Variants in GTF2H5 observed in about 807,000 individuals in gnomAD.
The protein encoded by GTF2H5 is general transcription factor IIH subunit 5, also known as TFB5 ortholog.
In GTF2H5, 5 loss-of-function variants were observed where a neutral mutation model predicts 7.1. The observed-to-expected ratio is 0.71, with a 90% CI of 0.37 to 1.49. GTF2H5 has a LOEUF of 1.49. GTF2H5 is among the 40% of genes most tolerant of loss of function. GTF2H5 has a pLI of 0.03. For missense variants in GTF2H5, 80 were observed against 83.0 expected (o/e 0.96, Z 0.14); for synonymous variants, 30 against 31.7 (o/e 0.95, Z 0.18).
Position 158,170,557 on chromosome 6 carries a change from G to T in GTF2H5, c.35+19G>T, listed in dbSNP as rs769357219. The T allele has an allele frequency of 6.5e-7, 1 of 1,548,834 alleles. No individual in the cohort carries two copies. Among genetic ancestry groups the T allele is most frequent in the South Asian group, 1.1e-5 (1 of 89,742 alleles). ...TAGAATGGTTAGTAGTTTTGATACT[G>T]CATGAGTTTTAAGTTTAAATATTGA... On this transcript the variant is annotated intron_variant, in intron 2 of 2. Transcript: ENST00000607778.
In GTF2H5 at chr6:158,180,922, A is replaced by G. The variant is rs534814806; in HGVS notation, c.35+10384A>G. Among the ~76,000 whole-genome samples, 4 of 149,940 alleles carry G rather than the reference A, an allele frequency of 2.7e-5. No individual in the cohort carries two copies. In the East Asian group the frequency reaches 7.8e-4, roughly 29 times the overall value. ...TTTCTTGTCTTCTGCTAGGTTTTGAATTTGTTTGCTCTTGCTTCTCTAGTT... is the reference window on the plus strand; with the variant it reads ...TTTCTTGTCTTCTGCTAGGTTTTGAGTTTGTTTGCTCTTGCTTCTCTAGTT... On this transcript the variant is annotated intron_variant, in intron 2 of 2. Transcript: ENST00000607778.
chr6:158,169,742 A>ATATTATATAATATATTGTATATTATG (rs1403187605), intron 1 of GTF2H5, among the ~76,000 whole-genome samples: 3 of 62,002 alleles, frequency 4.8e-5, no homozygotes, highest in Admixed American at 7.1e-4. Context: ...TGTATATTAT[A>ATATTATATAATATATTGTATATTATG]TATTATATAA....
intron 2 of GTF2H5, among the ~76,000 whole-genome samples, chr6:158,180,423 C>T (rs570029878): frequency 6.4e-4 from 98 of 152,182 alleles, no homozygotes; most frequent in Non-Finnish European, 1.1e-3. Context: ...TTCTGTTGAT[C>T]GGAATAGTTT....
intron 2 of GTF2H5, among the ~76,000 whole-genome samples, chr6:158,190,317 T>C (rs1307998256): frequency 6.6e-6 from 1 of 152,232 alleles, no homozygotes; most frequent in Non-Finnish European, 1.5e-5. Context: ...CTTGTTCCTC[T>C]TTCTCAAAGC....
intron 2 of GTF2H5, among the ~76,000 whole-genome samples, chr6:158,179,676 T>C (rs2128430217): frequency 6.6e-6 from 1 of 152,340 alleles, no homozygotes; most frequent in African/African-American, 2.4e-5. Context: ...CTTGTGATTT[T>C]TGCACATTGA....
Position 158,192,236 on chromosome 6 carries a change from T to G in GTF2H5, c.*79T>G. 9.0e-7 allele frequency: 1 copy of G among 1,108,004 alleles called. No homozygotes were observed. The allele number at this position is 1,108,004 out of a possible 1,614,324, so 68.6% of individuals were successfully genotyped here. A position where few individuals can be genotyped will look rare whatever the true frequency, so the allele number is the denominator to read the frequency against. ...GCCACTCAATATCTTAGGTGACTGA[T>G]TAGACATAGAGGGTTGTTTTAGGAG... is the stretch of plus-strand genomic sequence containing the variant. On this transcript the variant is annotated 3_prime_UTR_variant, in exon 3 of 3. Coordinates refer to ENST00000607778, the MANE Select transcript of GTF2H5 (RefSeq NM_207118.3).
chr6:158,174,054 G>T (rs1034563993), intron 2 of GTF2H5, among the ~76,000 whole-genome samples: 1 of 152,042 alleles, frequency 6.6e-6, no homozygotes, highest in Admixed American at 6.6e-5. Context: ...AGTGGTGAAG[G>T]TTGCTTTTGT....
chr6:158,193,539 C>T lies in GTF2H5; in HGVS notation c.*1382C>T, dbSNP rs1032443082. The T allele has an allele frequency of 6.6e-6, 1 of 152,220 alleles. No homozygotes were observed. The highest frequency in any genetic ancestry group is 1.5e-5 in the Non-Finnish European group (1 of 68,048). The allele number at this position is 152,220 out of a possible 1,614,324, so 9.4% of individuals were successfully genotyped here. On this transcript the variant is annotated 3_prime_UTR_variant, in exon 3 of 3. Transcript: ENST00000607778. ...CCTGTGTACCATATTTATTCACTTA[C>T]ACAGCATTACTGAATCTGGAAATTT...
In GTF2H5 at chr6:158,198,166, C is replaced by T. The variant is rs893983406; in HGVS notation, c.*6009C>T. ...CCACTTTCACAATGCCGTGCAGAAACTAACAGATGAAGGAGGAGAATCCCT... is the reference window on the plus strand; with the variant it reads ...CCACTTTCACAATGCCGTGCAGAAATTAACAGATGAAGGAGGAGAATCCCT... On this transcript the variant is annotated 3_prime_UTR_variant, in exon 3 of 3. Coordinates refer to ENST00000607778, the MANE Select transcript of GTF2H5 (RefSeq NM_207118.3). The T allele has an allele frequency of 1.3e-5, 2 of 152,114 alleles. No homozygotes were observed. The highest frequency in any genetic ancestry group is 2.9e-5 in the Non-Finnish European group (2 of 68,022). 9.4% of individuals were successfully genotyped at this position (152,114 alleles called of 1,614,324 possible). A position where few individuals can be genotyped will look rare whatever the true frequency, so the allele number is the denominator to read the frequency against.
intron 1 of GTF2H5, among the ~76,000 whole-genome samples, chr6:158,169,787 ATATATTATATATTG>A (rs1194403447): frequency 9.4e-6 from 1 of 105,896 alleles, no homozygotes; most frequent in South Asian, 2.4e-4. Context: ...ATTGTATATT[ATATATTATATATTG>A]TATATTATAT....
rs1331716369 is a variant in GTF2H5, at chr6:158,197,817, C to A, written c.*5660C>A. 1 of 152,044 alleles carries A rather than the reference C, an allele frequency of 6.6e-6. No individual in the cohort carries two copies. The highest frequency in any genetic ancestry group is 2.4e-5 in the African/African-American group (1 of 41,394). The allele number at this position is 152,044 out of a possible 1,614,324, so 9.4% of individuals were successfully genotyped here. A position where few individuals can be genotyped will look rare whatever the true frequency, so the allele number is the denominator to read the frequency against. On this transcript the variant is annotated 3_prime_UTR_variant, in exon 3 of 3. Transcript: ENST00000607778. ...GTCCTGATTTGGCTCCTTCTGACTTCTTTTTGTTTCCCAATCTTAAAAAAA... is the reference window on the plus strand; with the variant it reads ...GTCCTGATTTGGCTCCTTCTGACTTATTTTTGTTTCCCAATCTTAAAAAAA...
At chr6:158,176,042 G>A (rs1445883182) in intron 2 of GTF2H5, among the ~76,000 whole-genome samples, 2 of 152,120 alleles carry the variant, frequency 1.3e-5, no homozygotes, top group Non-Finnish European at 2.9e-5. Context: ...GCCCTTTGAG[G>A]TAAGTGCTGT....
rs1554268971 is a variant in GTF2H5, at chr6:158,193,204, T to TAGAAGGATGGCTTAAGCCC, written c.*1049_*1050insAAGGATGGCTTAAGCCCAG. Reference sequence around the variant, plus strand: ...GTCCCAGCCACTGGGGAGGCTGAGGTAGGAGGTCAAGGCTGCAGTGAACCT... The same window carrying TAGAAGGATGGCTTAAGCCC: ...GTCCCAGCCACTGGGGAGGCTGAGGTAGAAGGATGGCTTAAGCCCAGGAGGTCAAGGCTGCAGTGAACCT... On this transcript the variant is annotated 3_prime_UTR_variant, in exon 3 of 3. Coordinates refer to ENST00000607778, the MANE Select transcript of GTF2H5 (RefSeq NM_207118.3). The TAGAAGGATGGCTTAAGCCC allele has an allele frequency of 2.0e-5, 3 of 150,748 alleles. No individual in the cohort carries two copies. The highest frequency in any genetic ancestry group is 1.3e-4 in the Admixed American group (2 of 15,158). The allele number at this position is 150,748 out of a possible 1,614,324, so 9.3% of individuals were successfully genotyped here. A position where few individuals can be genotyped will look rare whatever the true frequency, so the allele number is the denominator to read the frequency against.
intron 2 of GTF2H5, among the ~76,000 whole-genome samples, chr6:158,172,966 C>G (rs1432063578): frequency 1.3e-5 from 2 of 152,170 alleles, no homozygotes; most frequent in Non-Finnish European, 2.9e-5. Flanking sequence ...TCTACCTGGT[C>G]TCTCTAATGA....
chr6:158,172,419 C>G (rs1299718718), intron 2 of GTF2H5, among the ~76,000 whole-genome samples: 1 of 151,634 alleles, frequency 6.6e-6, no homozygotes, highest in South Asian at 2.1e-4. Context: ...CTCAGCTGCC[C>G]GAGTAGCTGG....
intron 2 of GTF2H5, among the ~76,000 whole-genome samples, chr6:158,176,251 C>G (rs368701585): frequency 6.6e-6 from 1 of 151,186 alleles, no homozygotes; most frequent in Admixed American, 6.6e-5. Flanking sequence ...TTTTTTGAAA[C>G]GGAGTCTCAC....
chr6:158,185,881 C>G (rs1435727698), intron 2 of GTF2H5, among the ~76,000 whole-genome samples: 1 of 151,838 alleles, frequency 6.6e-6, no homozygotes, highest in Non-Finnish European at 1.5e-5. Flanking sequence ...GTAGTCCCAG[C>G]TACTGGGAAG....
At chr6:158,169,542 TA>T (rs1785757585) in intron 1 of GTF2H5, among the ~76,000 whole-genome samples, 1 of 90,976 alleles carries the variant, frequency 1.1e-5, no homozygotes, top group African/African-American at 4.6e-5. Context: ...ATATTATATA[TA>T]ATATACTGTA....
chr6:158,187,907 A>C (rs1269244197), intron 2 of GTF2H5, among the ~76,000 whole-genome samples: 4 of 152,132 alleles, frequency 2.6e-5, no homozygotes, highest in Non-Finnish European at 5.9e-5. Context: ...GCTATGCCTG[A>C]ATTCAAAGGG....
Sources: allele counts gnomAD v4.1 joint callset (sites outside exome capture counted in the v4.1 genomes callset), GRCh38; gene constraint gnomAD v4.1.1; transcripts MANE v1.5; gene names NCBI Gene and HGNC (gene_info 2026-07-23, HGNC 2026-07-21).